RNF24: variants seen among roughly 807,000 people sequenced by gnomAD.
RNF24 encodes ring finger protein 24.
In RNF24, 14 loss-of-function variants were observed where a neutral mutation model predicts 20.0. That is an observed-to-expected ratio of 0.70 (90% CI 0.46 to 1.10). The LOEUF (loss-of-function observed/expected upper bound fraction) is 1.10. RNF24 is among the 50% of genes least tolerant of loss of function. The pLI is 0.00. For synonymous variants in RNF24, 45 were observed against 61.1 expected (o/e 0.74, Z 1.23); for missense variants, 124 against 177.6 (o/e 0.70, Z 1.71).
intron 1 of RNF24, among the ~76,000 whole-genome samples, chr20:3,966,964 C>A (rs928348337): frequency 2.0e-5 from 3 of 152,126 alleles, no homozygotes; most frequent in African/African-American, 7.2e-5. Flanking sequence ...CCAGAGGGAT[C>A]CAGGCTGGTA....
At chr20:3,975,905 G>A (rs1978829128) in intron 1 of RNF24, among the ~76,000 whole-genome samples, 1 of 151,818 alleles carries the variant, frequency 6.6e-6, no homozygotes, top group Admixed American at 6.6e-5. Flanking sequence ...TCCTGCCTCA[G>A]CCTCCCTAGT....
At chr20:4,007,896 G>A (rs1395017593) in intron 1 of RNF24, among the ~76,000 whole-genome samples, 4 of 151,630 alleles carry the variant, frequency 2.6e-5, no homozygotes, top group East Asian at 1.9e-4. Context: ...CAGCCTGGGC[G>A]ACAGAACAAG....
At chr20:3,998,219 T>G (rs1472234540) in intron 1 of RNF24, among the ~76,000 whole-genome samples, 1 of 152,038 alleles carries the variant, frequency 6.6e-6, no homozygotes, top group African/African-American at 2.4e-5. Context: ...GGCGGGCGGA[T>G]CACAAGGTCA....
In RNF24 at chr20:3,934,159, C is replaced by T. The variant is rs2090861852; in HGVS notation, c.351G>A (p.Leu117=). Residue 117 remains leucine, a synonymous_variant, in exon 6 of 6, where the codon CTG becomes CTA. Transcript: ENST00000358395. This position sits in a 1 kb window ranked among gnomAD's most constrained non-coding sequence, Gnocchi z 4.0. ...CCAGCTGTAGAACTGGCATGTTGCACAGGGGACACACTTTACGAACCTCCA... is the reference window on the plus strand; with the variant it reads ...CCAGCTGTAGAACTGGCATGTTGCATAGGGGACACACTTTACGAACCTCCA... ...KWLEVRKVCP[L]CNMPVLQLAQ... 1 of 1,602,256 alleles carries T rather than the reference C, an allele frequency of 6.2e-7. No homozygotes were observed.
rs1319082540 is a variant in RNF24, at chr20:4,015,535, G to A, written c.-106C>T. On this transcript the variant is annotated 5_prime_UTR_variant, in exon 1 of 6. Coordinates refer to ENST00000358395, the MANE Select transcript of RNF24 (RefSeq NM_001134337.3). ...CGAGCGTCCGTCCGGACAGAGCGCG[G>A]CGGAGGTGGCGGCGGCTGACTGCGC... The A allele has an allele frequency of 6.6e-6, 1 of 150,774 alleles. No homozygotes were observed. The highest frequency in any genetic ancestry group is 1.5e-5 in the Non-Finnish European group (1 of 67,582). The allele number at this position is 150,774 out of a possible 1,614,324, so 9.3% of individuals were successfully genotyped here.
At chr20:3,938,399 G>GACACAAA (rs1349828798) in intron 4 of RNF24, among the ~76,000 whole-genome samples, 1 of 152,164 alleles carries the variant, frequency 6.6e-6, no homozygotes, top group Non-Finnish European at 1.5e-5. Flanking sequence ...AATGATGTTA[G>GACACAAA]AGCACTACAC....
Position 3,948,247 on chromosome 20 carries a change from G to T in RNF24, c.176C>A (p.Ala59Asp). 1 of 1,587,846 alleles carries T rather than the reference G, an allele frequency of 6.3e-7. No individual in the cohort carries two copies. Among genetic ancestry groups the T allele is most frequent in the Non-Finnish European group, 8.5e-7 (1 of 1,171,440 alleles). ...LRHQAHKEFY[A>D]YKQVILKEKV... ...AATTAAATTTCTCACCTGTTTGTAG[G>T]CATAAAATTCTTTGTGTGCTTGATG... Residue 59 changes from alanine to aspartate, a missense_variant, in exon 3 of 6, where the codon GCC (alanine) becomes GAC (aspartate). By Grantham distance (126) the Ala-to-Asp change is moderately radical. Transcript: ENST00000358395.
intron 2 of RNF24, among the ~76,000 whole-genome samples, chr20:3,951,341 GTGGAATT>G (rs2091079369): frequency 6.6e-6 from 1 of 152,138 alleles, no homozygotes; most frequent in Admixed American, 6.5e-5. Context: ...TTCTTTCTTG[GTGGAATT>G]TGAAGATTTC....
intron 1 of RNF24, among the ~76,000 whole-genome samples, chr20:3,991,247 C>CTTTT (rs10599625): frequency 2.4e-5 from 2 of 82,778 alleles, no homozygotes; most frequent in South Asian, 4.2e-4. Flanking sequence ...TTTTAAACAA[C>CTTTT]TTTTTTTTTT....
At position 3,998,574 on chromosome 20, in the gene RNF24, CAAAAAAAAAAAAAAAA is replaced by C. The variant is rs34012774; in HGVS notation, c.-8+16847_-8+16862del. Reference sequence around the variant, plus strand: ...TGGGCAACAGAGCGAGACTCTATCTCAAAAAAAAAAAAAAAAAAAAAAAAAAAAAAAATTAGCCGGG... The same window carrying C: ...TGGGCAACAGAGCGAGACTCTATCTCAAAAAAAAAAAAAAAATTAGCCGGG... On this transcript the variant is annotated intron_variant, in intron 1 of 5. Coordinates refer to ENST00000358395, the MANE Select transcript of RNF24 (RefSeq NM_001134337.3). 1.9e-4 allele frequency among the ~76,000 whole-genome samples: 6 copies of C among 31,320 alleles called. No individual in the cohort carries two copies. In the East Asian group the frequency reaches 3.0e-3, roughly 16 times the overall value. 20.5% of individuals were successfully genotyped at this position (31,320 alleles called of 152,430 possible). A position where few individuals can be genotyped will look rare whatever the true frequency, so the allele number is the denominator to read the frequency against.
At chr20:4,008,360 AATAT>A (rs1171151678) in intron 1 of RNF24, among the ~76,000 whole-genome samples, 1 of 21,482 alleles carries the variant, frequency 4.7e-5, no homozygotes, top group Admixed American at 4.3e-4. Context: ...TAATATGTAT[AATAT>A]ATATATTATA....
chr20:4,003,678 T>C (rs1009558589), intron 1 of RNF24, among the ~76,000 whole-genome samples: 7 of 133,090 alleles, frequency 5.3e-5, no homozygotes, highest in Non-Finnish European at 1.1e-4. Flanking sequence ...AGTCTCACTC[T>C]ATTGCCCAGG....
chr20:3,969,757 T>C (rs2091294825), intron 1 of RNF24, among the ~76,000 whole-genome samples: 1 of 148,424 alleles, frequency 6.7e-6, no homozygotes, highest in Non-Finnish European at 1.5e-5. Flanking sequence ...AAAGGCCAAG[T>C]AGGAAGCTGA....
intron 3 of RNF24, among the ~76,000 whole-genome samples, chr20:3,946,194 C>T (rs1168637959): frequency 4.6e-5 from 7 of 152,112 alleles, no homozygotes; most frequent in Non-Finnish European, 5.9e-5. Context: ...TGGCCAGGCA[C>T]GGTAGCTCAT....
intron 1 of RNF24, among the ~76,000 whole-genome samples, chr20:4,003,081 T>G (rs1046681507): frequency 6.6e-6 from 1 of 152,246 alleles, no homozygotes; most frequent in Non-Finnish European, 1.5e-5. Context: ...GTGATTCTCC[T>G]GCCTCAGCCT....
intron 2 of RNF24, among the ~76,000 whole-genome samples, chr20:3,962,979 G>A (rs938211959): frequency 1.3e-5 from 2 of 151,986 alleles, no homozygotes; most frequent in African/African-American, 2.4e-5. Flanking sequence ...GATTTTGGAC[G>A]TCAGCCACTG....
Position 3,989,497 on chromosome 20 carries a change from A to T in RNF24, c.-7-25473T>A, listed in dbSNP as rs150383699. Among the ~76,000 whole-genome samples, 838 of 152,066 alleles carry T rather than the reference A, an allele frequency of 5.5e-3. 4 individuals are homozygous for T. Among genetic ancestry groups the T allele is most frequent in the African/African-American group, 0.018 (745 of 41,536 alleles). On this transcript the variant is annotated intron_variant, in intron 1 of 5. Coordinates refer to ENST00000358395, the MANE Select transcript of RNF24 (RefSeq NM_001134337.3). ...CAGAGCAAGACTCCATCTCAAAAAA[A>T]AAAAATAAAAAAAGAAAAACCTGTG...
At chr20:3,989,722 T>C (rs1980266245) in intron 1 of RNF24, among the ~76,000 whole-genome samples, 1 of 152,150 alleles carries the variant, frequency 6.6e-6, no homozygotes, top group South Asian at 2.1e-4. Context: ...TCTTTCAGGC[T>C]GAACATTTTA....
intron 1 of RNF24, among the ~76,000 whole-genome samples, chr20:3,998,881 A>C (rs143766139): frequency 5.7e-4 from 86 of 151,604 alleles, no homozygotes; most frequent in African/African-American, 2.1e-3. Context: ...GGAGGTCAAG[A>C]CCAGCATGGT....
Sources: allele counts gnomAD v4.1 joint callset (sites outside exome capture counted in the v4.1 genomes callset), GRCh38; gene constraint gnomAD v4.1.1; non-coding constraint Gnocchi (gnomAD v3.1); transcripts MANE v1.5; gene names NCBI Gene and HGNC (gene_info 2026-07-23, HGNC 2026-07-21).